The following CD1C variants were observed in gnomAD, a reference collection of about 807,000 sequenced individuals.
CD1C encodes T-cell surface glycoprotein CD1c.
Under a neutral mutation model 39.4 loss-of-function variants are expected in CD1C, and 47 were observed. That is an observed-to-expected ratio of 1.19 (90% CI 0.94 to 1.52). The LOEUF (loss-of-function observed/expected upper bound fraction) is 1.52. Among genes scored for constraint, CD1C ranks in the 40% most tolerant of loss-of-function variants. The probability of loss-of-function intolerance (pLI) is 0.00; values close to 1 mark genes in which losing one functional copy is unlikely to be tolerated. For missense variants in CD1C, 417 were observed against 395.2 expected, an observed-to-expected ratio of 1.06 and a Z score of -0.47; for synonymous variants, 165 against 150.8, an observed-to-expected ratio of 1.09 and a Z score of -0.69.
Position 158,293,497 on chromosome 1 carries a change from C to G in CD1C, c.*21C>G, listed in dbSNP as rs997465274. On this transcript the variant is annotated 3_prime_UTR_variant, in exon 6 of 6. Coordinates refer to ENST00000368170, the MANE Select transcript of CD1C (RefSeq NM_001765.3). Reference sequence around the variant, plus strand: ...TGTGAGACTCTTCCCCCTGACTCCCCCATTGTGTTAAGAACCCAGCAACCC... The same window carrying G: ...TGTGAGACTCTTCCCCCTGACTCCCGCATTGTGTTAAGAACCCAGCAACCC... 37 of 1,614,000 alleles carry G rather than the reference C, an allele frequency of 2.3e-5. No homozygotes were observed. Among genetic ancestry groups the G allele is most frequent in the Non-Finnish European group, 2.8e-5 (33 of 1,180,006 alleles).
Position 158,290,050 on chromosome 1 carries a change from A to G in CD1C, c.-15A>G. On this transcript the variant is annotated 5_prime_UTR_variant, in exon 1 of 6. Coordinates refer to ENST00000368170, the MANE Select transcript of CD1C (RefSeq NM_001765.3). ...CAAACAGCTTTTCTGAGAGAAAGAA[A>G]CATCTGCAAATGACATGCTGTTTCT... The G allele has an allele frequency of 6.2e-7, 1 of 1,613,436 alleles. No homozygotes were observed.
chr1:158,293,288 G>A lies in CD1C; in HGVS notation c.966G>A (p.Trp322Ter), dbSNP rs749452152. 3 of 1,613,720 alleles carry A rather than the reference G, an allele frequency of 1.9e-6. No individual in the cohort carries two copies. In the South Asian group the frequency reaches 3.3e-5, roughly 18 times the overall value. Residue 322 changes from tryptophan (W) to a stop codon, truncating the protein, a stop_gained, in exon 5 of 6, where the codon TGG becomes TGA. Transcript: ENST00000368170. LOFTEE classifies it low-confidence loss of function (END_TRUNC). The stretch of plus-strand genomic sequence containing the variant: ...TGATTCTAATAGTCCTTGTGTTATG[G>A]TTTAAGAAGCACTGGTGAGTTTTTT... ...PLVILIVLVL[W>*]FKKHCSYQDI...
intron 4 of CD1C, 148 bp downstream of exon 4, chr1:158,293,022 G>A: frequency 2.3e-6 from 2 of 874,376 alleles, no homozygotes; most frequent in East Asian, 2.6e-5. Context: ...AGACCTAAGG[G>A]ATACATGGAT....
At chr1:158,292,908 T>G (rs774351498) in intron 4 of CD1C, 34 bp downstream of exon 4, 17 of 1,606,982 alleles carry the variant, frequency 1.1e-5, no homozygotes, top group Admixed American at 1.7e-5. Context: ...AGGTAGGTGG[T>G]TCTTGAGCCT....
chr1:158,292,959 G>C (rs374551806), intron 4 of CD1C, 85 bp downstream of exon 4: 13 of 1,346,272 alleles, frequency 9.7e-6, no homozygotes, highest in Admixed American at 4.1e-5. Flanking sequence ...AGCAGACCTA[G>C]GTGAGGGATT....
At position 158,294,406 on chromosome 1, in the gene CD1C, A is replaced by G. The variant is rs1021633817; in HGVS notation, c.*930A>G. Among the ~76,000 whole-genome samples the G allele has an allele frequency of 6.6e-6, 1 of 152,340 alleles. No individual in the cohort carries two copies. The highest frequency in any genetic ancestry group is 2.1e-4 in the South Asian group (1 of 4,824). On this transcript the variant is annotated 3_prime_UTR_variant, in exon 6 of 6. Coordinates refer to ENST00000368170, the MANE Select transcript of CD1C (RefSeq NM_001765.3). ...AGCTTCTAAACTGGTGGTGGATAAA[A>G]CAAATGAGATTGTGTCCACTCTCCT...
At chr1:158,291,088 C>G (rs77207620) in intron 1 of CD1C, 46 bp from the exon 2 acceptor site, 1 of 823,632 alleles carries the variant, frequency 1.2e-6, no homozygotes, top group Admixed American at 3.0e-5. Context: ...CCTTGCCTCT[C>G]TTTTTTTTTT....
In CD1C at chr1:158,292,795, G is replaced by A. The variant is rs1432109547; in HGVS notation, c.810G>A (p.Val270=). The part of the protein sequence containing the change: ...GTWYLQVILE[V]ASEEPAGLSC... ...GGTATCTTCAGGTGATCCTGGAGGT[G>A]GCATCTGAGGAGCCTGCTGGCCTGT... The change falls in exon 4 of 6, where the codon GTG becomes GTA. Residue 270 remains valine (V), a synonymous_variant. Coordinates refer to ENST00000368170, the MANE Select transcript of CD1C (RefSeq NM_001765.3). 1 of 1,614,186 alleles carries A rather than the reference G, an allele frequency of 6.2e-7. No individual in the cohort carries two copies. Among genetic ancestry groups the A allele is most frequent in the Admixed American group, 1.7e-5 (1 of 60,032 alleles).
Position 158,293,775 on chromosome 1 carries a change from T to C in CD1C, c.*299T>C. On this transcript the variant is annotated 3_prime_UTR_variant, in exon 6 of 6. Transcript: ENST00000368170. ...TATGTGCATGCAACACTTCCTACCC[T>C]GTGTTGCAGCTACTTGAGTCTTTCA... 1 of 566,254 alleles carries C rather than the reference T, an allele frequency of 1.8e-6. No individual in the cohort carries two copies. The highest frequency in any genetic ancestry group is 4.7e-4 in the Middle Eastern group (1 of 2,116). 35.1% of individuals were successfully genotyped at this position (566,254 alleles called of 1,614,324 possible).
intron 4 of CD1C, 113 bp from the exon 5 acceptor site, chr1:158,293,099 A>G: frequency 1.0e-6 from 1 of 955,924 alleles, no homozygotes; most frequent in African/African-American, 1.6e-5. Context: ...TGACTGAAAT[A>G]GGATAACTGA....
At chr1:158,290,545 C>G (rs571678563) in intron 1 of CD1C, among the ~76,000 whole-genome samples, 1 of 152,116 alleles carries the variant, frequency 6.6e-6, no homozygotes, top group South Asian at 2.1e-4. Context: ...CAGCTAAAAT[C>G]CTAAGGGAAG....
Position 158,292,643 on chromosome 1 carries a change from C to A in CD1C, c.658C>A (p.Gln220Lys), listed in dbSNP as rs1557801794. The change falls in exon 4 of 6, where the codon CAG becomes AAG. Residue 220 changes from glutamine (Q) to lysine (K), a missense_variant. Coordinates refer to ENST00000368170, the MANE Select transcript of CD1C (RefSeq NM_001765.3). ...CAGTCGCCCCAGCCTTGGGTCTGGCCAGCTGTTGCTGGTTTGTCATGCCTC... is the reference window on the plus strand; with the variant it reads ...CAGTCGCCCCAGCCTTGGGTCTGGCAAGCTGTTGCTGGTTTGTCATGCCTC... The part of the protein sequence containing the change: ...LSSRPSLGSG[Q>K]LLLVCHASGF... The A allele has an allele frequency of 6.2e-7, 1 of 1,613,500 alleles. No homozygotes were observed. Among genetic ancestry groups the A allele is most frequent in the African/African-American group, 1.3e-5 (1 of 75,042 alleles).
Position 158,290,060 on chromosome 1 carries a change from A to G in CD1C, c.-5A>G, listed in dbSNP as rs992763344. The G allele has an allele frequency of 1.1e-5, 17 of 1,613,844 alleles. No homozygotes were observed. The highest frequency in any genetic ancestry group is 3.3e-5 in the Admixed American group (2 of 60,014). ...TTCTGAGAGAAAGAAACATCTGCAA[A>G]TGACATGCTGTTTCTGCAGTTTCTG... On this transcript the variant is annotated 5_prime_UTR_variant, in exon 1 of 6. It removes an upstream start codon present in the reference 5' UTR. Transcript: ENST00000368170.
At chr1:158,291,533 G>A in intron 2 of CD1C, 133 bp downstream of exon 2, 1 of 887,126 alleles carries the variant, frequency 1.1e-6, no homozygotes, top group African/African-American at 1.7e-5. Context: ...ACCTTTTAAG[G>A]GATATTCCTG....
chr1:158,293,676 A>G lies in CD1C; in HGVS notation c.*200A>G, dbSNP rs1293794999. The G allele has an allele frequency of 7.8e-7, 1 of 1,277,564 alleles. No homozygotes were observed. Among genetic ancestry groups the G allele is most frequent in the East Asian group, 2.5e-5 (1 of 39,660 alleles). The allele number at this position is 1,277,564 out of a possible 1,614,324, so 79.1% of individuals were successfully genotyped here. Reference sequence around the variant, plus strand: ...CTTTTTATATAGCACTCAACCTTCAAAGCCCATTTCTGATGTCATTTCCTC... The same window carrying G: ...CTTTTTATATAGCACTCAACCTTCAGAGCCCATTTCTGATGTCATTTCCTC... On this transcript the variant is annotated 3_prime_UTR_variant, in exon 6 of 6. Transcript: ENST00000368170.
intron 1 of CD1C, 110 bp downstream of exon 1, chr1:158,290,235 C>A: frequency 1.0e-6 from 1 of 953,566 alleles, no homozygotes; most frequent in Non-Finnish European, 1.6e-6. Context: ...CTGAGCATAC[C>A]TGTCTCCAGG....
At position 158,294,130 on chromosome 1, in the gene CD1C, A is replaced by T. The variant is rs570982901; in HGVS notation, c.*654A>T. 6.6e-6 allele frequency among the ~76,000 whole-genome samples: 1 copy of T among 152,312 alleles called. No individual in the cohort carries two copies. The highest frequency in any genetic ancestry group is 1.9e-4 in the East Asian group (1 of 5,186). ...CACAGAGAATTACAAATGCAAATAGACAGAGAGTGTGCAAGTTACATGTGA... is the reference window on the plus strand; with the variant it reads ...CACAGAGAATTACAAATGCAAATAGTCAGAGAGTGTGCAAGTTACATGTGA... On this transcript the variant is annotated 3_prime_UTR_variant, in exon 6 of 6. Coordinates refer to ENST00000368170, the MANE Select transcript of CD1C (RefSeq NM_001765.3).
chr1:158,292,405 C>A, intron 3 of CD1C, 40 bp downstream of exon 3: 2 of 1,580,928 alleles, frequency 1.3e-6, no homozygotes, highest in South Asian at 1.2e-5. Flanking sequence ...TTTTTCTATT[C>A]AAGTACTGCC....
Position 158,292,752 on chromosome 1 carries a change from C to T in CD1C, c.767C>T (p.Pro256Leu). 1 of 1,614,188 alleles carries T rather than the reference C, an allele frequency of 6.2e-7. No individual in the cohort carries two copies. Among genetic ancestry groups the T allele is most frequent in the South Asian group, 1.1e-5 (1 of 91,082 alleles). The change falls in exon 4 of 6, where the codon CCT (proline) becomes CTT (leucine). Residue 256 changes from proline to leucine, a missense_variant. Coordinates refer to ENST00000368170, the MANE Select transcript of CD1C (RefSeq NM_001765.3). ...QLGTKHGDIL[P>L]NADGTWYLQV... ...GGCACTAAACATGGTGATATTCTTCCTAATGCTGATGGGACATGGTATCTT... is the reference window on the plus strand; with the variant it reads ...GGCACTAAACATGGTGATATTCTTCTTAATGCTGATGGGACATGGTATCTT...
Sources: gnomAD v4.1 joint callset for allele counts (sites outside exome capture counted in the v4.1 genomes callset) on GRCh38, gnomAD v4.1.1 for gene constraint, MANE v1.5 for transcripts, NCBI Gene and HGNC (gene_info 2026-07-23, HGNC 2026-07-21) for gene names.